Variants in TRMT10C observed in about 807,000 individuals in gnomAD.
TRMT10C encodes tRNA methyltransferase 10 homolog C.
A neutral mutation model predicts 27.4 loss-of-function variants in TRMT10C; 14 were observed. That is an observed-to-expected ratio of 0.51 (90% CI 0.34 to 0.80). TRMT10C has a LOEUF of 0.80. Among genes scored for constraint, TRMT10C ranks in the 30% least tolerant of loss-of-function variants. The pLI is 0.02. For synonymous variants in TRMT10C, 143 were observed against 155.9 expected (o/e 0.92, Z 0.62); for missense variants, 438 against 464.8 (o/e 0.94, Z 0.53).
rs1410172793 is a variant in TRMT10C, at chr3:101,562,680, TTTTC to T, written c.-13+681_-13+684del. On this transcript the variant is annotated intron_variant, in intron 1 of 1. Transcript: ENST00000309922. The stretch of plus-strand genomic sequence containing the variant: ...ATAATAAAGGGAGGCTGAACTTTTT[TTTTC>T]TTTTTTTTTTTTTTAATGAAGGAAG... Among the ~76,000 whole-genome samples the T allele has an allele frequency of 8.6e-5, 13 of 151,978 alleles. No individual in the cohort carries two copies. In the East Asian group the frequency reaches 1.9e-3, roughly 23 times the overall value.
At chr3:101,563,400 C>T (rs932154429) in intron 1 of TRMT10C, among the ~76,000 whole-genome samples, 2 of 152,142 alleles carry the variant, frequency 1.3e-5, no homozygotes, top group Non-Finnish European at 2.9e-5. Context: ...TCAAGCGATC[C>T]TCCCTCCTCG....
intron 1 of TRMT10C, among the ~76,000 whole-genome samples, chr3:101,564,459 C>A (rs938986746): frequency 2.0e-5 from 3 of 151,774 alleles, no homozygotes; most frequent in African/African-American, 7.3e-5. Context: ...GGTTTCTCAC[C>A]ATGTTGGCCA....
Position 101,566,084 on chromosome 3 carries a change from C to T in TRMT10C, c.*91C>T. On this transcript the variant is annotated 3_prime_UTR_variant, in exon 2 of 2. Coordinates refer to ENST00000309922, the MANE Select transcript of TRMT10C (RefSeq NM_017819.4). ...TTAAAAAGTAAATGCGTTAGAAATA[C>T]AGTTCTGTTAATGTATTTCTTCCCA... is the stretch of plus-strand genomic sequence containing the variant. 1 of 1,349,428 alleles carries T rather than the reference C, an allele frequency of 7.4e-7. No individual in the cohort carries two copies. The allele number at this position is 1,349,428 out of a possible 1,614,324, so 83.6% of individuals were successfully genotyped here.
intron 1 of TRMT10C, among the ~76,000 whole-genome samples, chr3:101,563,769 C>CAT (rs1576593876): frequency 6.6e-6 from 1 of 152,206 alleles, no homozygotes; most frequent in East Asian, 1.9e-4. Context: ...CTTTAAGCAT[C>CAT]TTCAATATCT....
rs926815659 is a variant in TRMT10C at position 101,561,904 on chromosome 3, AG to A, written c.-111del. On this transcript the variant is annotated 5_prime_UTR_variant, in exon 1 of 2. Transcript: ENST00000309922. The stretch of plus-strand genomic sequence containing the variant: ...TAGACTGTTGGGTAGGCTGCGTGCT[AG>A]CTTCGGCGCGGATCCCTGGGCGTCC... The A allele has an allele frequency of 6.5e-6, 1 of 152,772 alleles. No homozygotes were observed. Among genetic ancestry groups the A allele is most frequent in the African/African-American group, 2.4e-5 (1 of 41,446 alleles). The allele number at this position is 152,772 out of a possible 1,614,324, so 9.5% of individuals were successfully genotyped here. A position where few individuals can be genotyped will look rare whatever the true frequency, so the allele number is the denominator to read the frequency against.
chr3:101,562,709 G>A (rs1046719633), intron 1 of TRMT10C, among the ~76,000 whole-genome samples: 1 of 151,198 alleles, frequency 6.6e-6, no homozygotes, highest in Non-Finnish European at 1.5e-5. Context: ...AATGAAGGAA[G>A]CATCGATCTA....
chr3:101,564,726 A>G, intron 1 of TRMT10C, 44 bp from the exon 2 acceptor site: 1 of 1,470,520 alleles, frequency 6.8e-7, no homozygotes, highest in Non-Finnish European at 9.1e-7. Context: ...AGAAGTTATA[A>G]AAATCTTTGT....
intron 1 of TRMT10C, among the ~76,000 whole-genome samples, chr3:101,562,788 C>G (rs1934442543): frequency 1.3e-5 from 2 of 151,098 alleles, no homozygotes; most frequent in East Asian, 1.9e-4. Flanking sequence ...TCAATGTTAA[C>G]ATTATAGACA....
rs574255657 is a variant in TRMT10C at position 101,563,313 on chromosome 3, A to T, written c.-13+1310A>T. Among the ~76,000 whole-genome samples the T allele has an allele frequency of 3.3e-5, 5 of 151,838 alleles. No homozygotes were observed. The South Asian group carries it at 1.0e-3, about 32-fold the overall frequency. On this transcript the variant is annotated intron_variant, in intron 1 of 1. Coordinates refer to ENST00000309922, the MANE Select transcript of TRMT10C (RefSeq NM_017819.4). Reference sequence around the variant, plus strand: ...CCTGGGATTACAGGCATGCGCCACCACACCTGGCTAATTTTTGTATTTTTA... The same window carrying T: ...CCTGGGATTACAGGCATGCGCCACCTCACCTGGCTAATTTTTGTATTTTTA...
In TRMT10C at chr3:101,566,181, A is replaced by C; in HGVS notation, c.*188A>C. 3.4e-6 allele frequency: 2 copies of C among 586,244 alleles called. No homozygotes were observed. The highest frequency in any genetic ancestry group is 5.8e-6 in the Non-Finnish European group (2 of 342,750). The allele number at this position is 586,244 out of a possible 1,614,324, so 36.3% of individuals were successfully genotyped here. ...TAGGGTTGTGTCTTTTCCCAATTAA[A>C]TATCTGCAGAACTTTGGGATTATAC... On this transcript the variant is annotated 3_prime_UTR_variant, in exon 2 of 2. Transcript: ENST00000309922.
Position 101,566,116 on chromosome 3 carries a change from T to A in TRMT10C, c.*123T>A. The stretch of plus-strand genomic sequence containing the variant: ...GTTAATGTATTTCTTCCCAAACAAT[T>A]CATTTTTCTCTTCTAAAGGTAGTCT... On this transcript the variant is annotated 3_prime_UTR_variant, in exon 2 of 2. Coordinates refer to ENST00000309922, the MANE Select transcript of TRMT10C (RefSeq NM_017819.4). 8.7e-7 allele frequency: 1 copy of A among 1,145,880 alleles called. No individual in the cohort carries two copies. Among genetic ancestry groups the A allele is most frequent in the Non-Finnish European group, 1.2e-6 (1 of 828,420 alleles). The allele number at this position is 1,145,880 out of a possible 1,614,324, so 71.0% of individuals were successfully genotyped here.
rs1199682809 is a variant in TRMT10C, at chr3:101,565,960, GTT to G, written c.1181_1182del (p.Phe394TyrfsTer18). 1 of 1,610,092 alleles carries G rather than the reference GTT, an allele frequency of 6.2e-7. No homozygotes were observed. Among genetic ancestry groups the G allele is most frequent in the Non-Finnish European group, 8.5e-7 (1 of 1,178,214 alleles). On this transcript the variant is annotated frameshift_variant, in exon 2 of 2. Coordinates refer to ENST00000309922, the MANE Select transcript of TRMT10C (RefSeq NM_017819.4). LOFTEE classifies it high-confidence loss of function. ...TGGAGATTTCTCAGCATTCTCAAGA[GTT>G]TATCAACAGACTAAAGAAGGCAAAG... ...FLEISQHSQE[F>X]INRLKKAKT is the part of the protein sequence containing the mutation.
rs1233385838 is a variant in TRMT10C at position 101,565,861 on chromosome 3, G to T, written c.1080G>T (p.Leu360Phe). The T allele has an allele frequency of 1.2e-6, 2 of 1,613,992 alleles. No individual in the cohort carries two copies. Among genetic ancestry groups the T allele is most frequent in the African/African-American group, 2.7e-5 (2 of 74,918 alleles). ...NLTLDQMIRI[L>F]LCLKNNGNWQ... ...CCTTAGATCAAATGATACGTATTTT[G>T]TTATGTCTGAAAAACAATGGTAATT... Residue 360 changes from leucine to phenylalanine, a missense_variant, in exon 2 of 2, where the codon TTG (leucine) becomes TTT (phenylalanine). Physicochemically the swap from Leu to Phe is conservative, Grantham distance 22. Coordinates refer to ENST00000309922, the MANE Select transcript of TRMT10C (RefSeq NM_017819.4).
At chr3:101,562,542 T>G (rs1934433682) in intron 1 of TRMT10C, among the ~76,000 whole-genome samples, 1 of 152,052 alleles carries the variant, frequency 6.6e-6, no homozygotes, top group South Asian at 2.1e-4. Flanking sequence ...TCCCAGCTAC[T>G]CGGGAGGCTG....
At position 101,564,968 on chromosome 3, in the gene TRMT10C, T is replaced by C. The variant is rs1406428491; in HGVS notation, c.187T>C (p.Leu63=). ...ESTPPSEELE[L]DKWKTTMKSS... is the part of the protein sequence containing the mutation. ...TACACCCCCTTCTGAAGAGCTAGAG[T>C]TGGATAAGTGGAAAACTACCATGAA... Residue 63 remains leucine (L), a synonymous_variant, in exon 2 of 2, where the codon TTG becomes CTG. Coordinates refer to ENST00000309922, the MANE Select transcript of TRMT10C (RefSeq NM_017819.4). 1 of 1,613,778 alleles carries C rather than the reference T, an allele frequency of 6.2e-7. No homozygotes were observed. Among genetic ancestry groups the C allele is most frequent in the Non-Finnish European group, 8.5e-7 (1 of 1,179,954 alleles).
chr3:101,562,526 C>T (rs1387319254), intron 1 of TRMT10C, among the ~76,000 whole-genome samples: 1 of 152,156 alleles, frequency 6.6e-6, no homozygotes, highest in Non-Finnish European at 1.5e-5. Context: ...TGGCGGGTGC[C>T]TGTAGTCCCA....
rs554984794 is a variant in TRMT10C at position 101,566,165 on chromosome 3, G to T, written c.*172G>T. ...CTTTCCCAACTGACTGTAGGGTTGT[G>T]TCTTTTCCCAATTAAATATCTGCAG... On this transcript the variant is annotated 3_prime_UTR_variant, in exon 2 of 2. Transcript: ENST00000309922. 5 of 679,080 alleles carry T rather than the reference G, an allele frequency of 7.4e-6. No individual in the cohort carries two copies. The African/African-American group carries it at 9.0e-5, about 12-fold the overall frequency. The allele number at this position is 679,080 out of a possible 1,614,324, so 42.1% of individuals were successfully genotyped here. A position where few individuals can be genotyped will look rare whatever the true frequency, so the allele number is the denominator to read the frequency against.
Position 101,566,173 on chromosome 3 carries a change from C to A in TRMT10C, c.*180C>A. The A allele has an allele frequency of 1.6e-6, 1 of 622,912 alleles. No homozygotes were observed. 38.6% of individuals were successfully genotyped at this position (622,912 alleles called of 1,614,324 possible). The stretch of plus-strand genomic sequence containing the variant: ...ACTGACTGTAGGGTTGTGTCTTTTC[C>A]CAATTAAATATCTGCAGAACTTTGG... On this transcript the variant is annotated 3_prime_UTR_variant, in exon 2 of 2. Transcript: ENST00000309922.
At position 101,564,881 on chromosome 3, in the gene TRMT10C, A is replaced by G. The variant is rs931517747; in HGVS notation, c.100A>G (p.Thr34Ala). The change falls in exon 2 of 2, where the codon ACA becomes GCA. Residue 34 changes from threonine to alanine, a missense_variant. Thr to Ala is a moderately conservative substitution (Grantham distance 58). This residue lies in a region of TRMT10C where 350 missense variants were observed against 370.5 expected (regional missense o/e 0.94). Coordinates refer to ENST00000309922, the MANE Select transcript of TRMT10C (RefSeq NM_017819.4). ...FTLHRKRNNLTILQRYMSSKI... is the reference protein window; with the variant it reads ...FTLHRKRNNLAILQRYMSSKI... ...CCTTCATAGGAAGAGAAATAACTTA[A>G]CAATTTTGCAGAGATACATGTCTTC... 1 of 1,614,072 alleles carries G rather than the reference A, an allele frequency of 6.2e-7. No individual in the cohort carries two copies. The highest frequency in any genetic ancestry group is 8.5e-7 in the Non-Finnish European group (1 of 1,179,998).
Sources: allele counts gnomAD v4.1 joint callset (sites outside exome capture counted in the v4.1 genomes callset), GRCh38; gene constraint gnomAD v4.1.1; regional missense constraint gnomAD v4.1.1; transcripts MANE v1.5; gene names NCBI Gene and HGNC (gene_info 2026-07-23, HGNC 2026-07-21).